The following FAM228B variants were observed in gnomAD, a reference collection of about 807,000 sequenced individuals.
FAM228B encodes family with sequence similarity 228 member B, also known as protein FAM228B.
A neutral mutation model predicts 42.6 loss-of-function variants in FAM228B; 38 were observed. The ratio of observed to expected loss-of-function variants is 0.89; its 90% CI spans 0.69 to 1.17. FAM228B has a LOEUF of 1.17. Among genes scored for constraint, FAM228B ranks in the 50% most tolerant of loss-of-function variants. The pLI, the probability that FAM228B is intolerant of heterozygous loss-of-function variation, is 0.00. For missense variants in FAM228B, 344 were observed against 367.3 expected, an observed-to-expected ratio of 0.94 and a Z score of 0.52; for synonymous variants, 109 against 122.3, an observed-to-expected ratio of 0.89 and a Z score of 0.72.
At chr2:24,167,002 G>A (rs1667432781) in intron 9 of FAM228B, among the ~76,000 whole-genome samples, 1 of 152,186 alleles carries the variant, frequency 6.6e-6, no homozygotes, top group Non-Finnish European at 1.5e-5. Context: ...AGGCAGGTTG[G>A]GGTTACAGGC....
Position 24,139,412 on chromosome 2 carries a change from C to A in FAM228B, c.403C>A (p.Pro135Thr), listed in dbSNP as rs1248446680. ...IEHYDPKEYD[P>T]FYMSKKDPNF... is the part of the protein sequence containing the mutation. Reference sequence around the variant, plus strand: ...ACATTATGATCCAAAAGAGTATGATCCCTTTTATATGAGCAAGAAGGACCC... The same window carrying A: ...ACATTATGATCCAAAAGAGTATGATACCTTTTATATGAGCAAGAAGGACCC... Residue 135 changes from proline (P) to threonine (T), a missense_variant, in exon 5 of 11, where the codon CCC (proline) becomes ACC (threonine). By Grantham distance (38) the Pro-to-Thr change is conservative. Transcript: ENST00000615575. 1.9e-6 allele frequency: 3 copies of A among 1,547,990 alleles called. No individual in the cohort carries two copies. In the African/African-American group the frequency reaches 4.1e-5, roughly 21 times the overall value.
rs372018736 is a variant in FAM228B at position 24,084,182 on chromosome 2, T to TG, written c.-210+3230dup. The TG allele has an allele frequency of 6.8e-6, 11 of 1,609,596 alleles. No individual in the cohort carries two copies. In the African/African-American group the frequency reaches 1.2e-4, roughly 18 times the overall value. On this transcript the variant is annotated intron_variant, in intron 2 of 10. Coordinates refer to the FAM228B transcript ENST00000613899. The surrounding 1 kb of genome is among the most constrained non-coding windows in gnomAD (Gnocchi z 8.4). ...CGCCCGCCCCGGCGCGGCTGAGCCCTGGGTACCTGCATTAAGTCCGCCCGG... is the reference window on the plus strand; with the variant it reads ...CGCCCGCCCCGGCGCGGCTGAGCCCTGGGGTACCTGCATTAAGTCCGCCCGG...
Position 24,077,322 on chromosome 2 carries a change from G to A in FAM228B, c.-290+353G>A. On this transcript the variant is annotated intron_variant, in intron 1 of 10. Coordinates refer to the FAM228B transcript ENST00000613899. The surrounding 1 kb of genome is among the most constrained non-coding windows in gnomAD (Gnocchi z 5.5). ...TATACCCAGAATCTCCGTCCCTGGAGGGGCCCTCAGGTTGAGCGTCAGCTG... is the reference window on the plus strand; with the variant it reads ...TATACCCAGAATCTCCGTCCCTGGAAGGGCCCTCAGGTTGAGCGTCAGCTG... 5.6e-6 allele frequency: 2 copies of A among 356,804 alleles called. No homozygotes were observed. The highest frequency in any genetic ancestry group is 5.2e-6 in the Non-Finnish European group (1 of 193,900). The allele number at this position is 356,804 out of a possible 1,614,324, so 22.1% of individuals were successfully genotyped here. A position where few individuals can be genotyped will look rare whatever the true frequency, so the allele number is the denominator to read the frequency against.
Position 24,077,840 on chromosome 2 carries a change from T to C in FAM228B, c.-290+871T>C, listed in dbSNP as rs1664826874. On this transcript the variant is annotated intron_variant, in intron 1 of 10. Transcript: ENST00000613899. The surrounding 1 kb of genome is among the most constrained non-coding windows in gnomAD (Gnocchi z 5.5). ...TCCTCATCCTCCTCAGCCTTCTTGC[T>C]CTCTCTGAAGCCACGTATCTGAAAA... The C allele has an allele frequency of 3.3e-6, 5 of 1,502,784 alleles. No individual in the cohort carries two copies. In the South Asian group the frequency reaches 5.1e-5, roughly 15 times the overall value. 93.1% of individuals were successfully genotyped at this position (1,502,784 alleles called of 1,614,324 possible). A position where few individuals can be genotyped will look rare whatever the true frequency, so the allele number is the denominator to read the frequency against.
At chr2:24,104,560 C>G (rs1665668742) in intron 3 of FAM228B, among the ~76,000 whole-genome samples, 1 of 152,172 alleles carries the variant, frequency 6.6e-6, no homozygotes. Flanking sequence ...GCAACACCTG[C>G]TAGAGCTTCC....
At chr2:24,083,476 A>G (rs1381120394) in intron 2 of FAM228B, among the ~76,000 whole-genome samples, 32 of 152,142 alleles carry the variant, frequency 2.1e-4, no homozygotes, top group Admixed American at 2.1e-3. Context: ...GATGGTTCCC[A>G]TGCATCAAGC....
intron 3 of FAM228B, among the ~76,000 whole-genome samples, chr2:24,111,549 A>G (rs1413903730): frequency 6.6e-6 from 1 of 152,128 alleles, no homozygotes; most frequent in Non-Finnish European, 1.5e-5. Flanking sequence ...GGGCCTTGGC[A>G]TCCCTGTCCT....
chr2:24,077,628 A>G lies in FAM228B; in HGVS notation c.-290+659A>G, dbSNP rs145805831. On this transcript the variant is annotated intron_variant, in intron 1 of 10. Transcript: ENST00000613899. The surrounding 1 kb of genome is among the most constrained non-coding windows in gnomAD (Gnocchi z 5.5). ...CTTGCCTATGTTCTTGTTGGCCTCC[A>G]TGTACTTATGGGCCTCCTGGATTTC... The G allele has an allele frequency of 3.3e-5, 54 of 1,612,706 alleles. No individual in the cohort carries two copies. The African/African-American group carries it at 6.7e-4, about 20-fold the overall frequency.
chr2:24,130,552 A>AT (rs1666431150), intron 2 of FAM228B, among the ~76,000 whole-genome samples: 1 of 152,144 alleles, frequency 6.6e-6, no homozygotes, highest in African/African-American at 2.4e-5. Flanking sequence ...GCATTGCTCT[A>AT]ATGATCAGTG....
chr2:24,137,197 G>A (rs1278681232), intron 3 of FAM228B, among the ~76,000 whole-genome samples: 2 of 152,048 alleles, frequency 1.3e-5, no homozygotes, highest in African/African-American at 2.4e-5. Context: ...TCTCTTGATG[G>A]ATACTTGGAT....
chr2:24,166,940 T>C (rs1459281073), intron 9 of FAM228B, among the ~76,000 whole-genome samples: 3 of 151,488 alleles, frequency 2.0e-5, no homozygotes, highest in Admixed American at 1.3e-4. Flanking sequence ...AGGCTGAAGA[T>C]AGTGAGTGCT....
intron 1 of FAM228B, chr2:24,079,154 G>A: frequency 9.1e-6 from 3 of 331,192 alleles, no homozygotes; most frequent in South Asian, 5.1e-5. Flanking sequence ...ACAAAGTCTT[G>A]GAACTACTCG....
intron 7 of FAM228B, among the ~76,000 whole-genome samples, chr2:24,155,231 C>G (rs185115977): frequency 6.6e-6 from 1 of 152,040 alleles, no homozygotes; most frequent in Non-Finnish European, 1.5e-5. Context: ...GAGCAAATCA[C>G]ATTAATGGGC....
At chr2:24,167,552 G>A in intron 9 of FAM228B, 75 bp from the exon 10 acceptor site, 1 of 1,539,454 alleles carries the variant, frequency 6.5e-7, no homozygotes, top group Non-Finnish European at 8.8e-7. Context: ...CTCTGGTTAT[G>A]AAGACAGTCT....
At chr2:24,116,369 C>A (rs1479756808) in intron 3 of FAM228B, among the ~76,000 whole-genome samples, 1 of 152,026 alleles carries the variant, frequency 6.6e-6, no homozygotes, top group Non-Finnish European at 1.5e-5. Context: ...GATGTACTCA[C>A]GTTTTAAAGA....
rs528686333 is a variant in FAM228B at position 24,164,226 on chromosome 2, G to C, written c.823G>C (p.Glu275Gln). The C allele has an allele frequency of 6.4e-7, 1 of 1,550,826 alleles. No individual in the cohort carries two copies. Among genetic ancestry groups the C allele is most frequent in the Non-Finnish European group, 8.7e-7 (1 of 1,146,538 alleles). Residue 275 changes from glutamate (E) to glutamine (Q), a missense_variant, in exon 9 of 11, where the codon GAA becomes CAA. Glu to Gln is a conservative substitution (Grantham distance 29). Coordinates refer to ENST00000615575, the MANE Select transcript of FAM228B (RefSeq NM_001145710.2). Reference sequence around the variant, plus strand: ...CAAAGGGTCATCCTTTCTAGAAAGAGAACCGCTGTGCTATCAGGAGGGAAA... The same window carrying C: ...CAAAGGGTCATCCTTTCTAGAAAGACAACCGCTGTGCTATCAGGAGGGAAA... ...KNKGSSFLEREPLCYQEGNNP... is the reference protein window; with the variant it reads ...KNKGSSFLERQPLCYQEGNNP...
At chr2:24,139,660 G>A (rs538470950) in intron 5 of FAM228B, among the ~76,000 whole-genome samples, 1 of 152,192 alleles carries the variant, frequency 6.6e-6, no homozygotes, top group South Asian at 2.1e-4. Context: ...GATAATGATT[G>A]GGTAATAGGT....
chr2:24,100,116 T>C (rs1484231537), intron 3 of FAM228B, among the ~76,000 whole-genome samples: 6 of 152,024 alleles, frequency 3.9e-5, no homozygotes. Context: ...AAAAAATTAA[T>C]TCAAGATGGA....
chr2:24,123,673 G>A (rs1332964628), intron 1 of FAM228B, 140 bp downstream of exon 1: 4 of 151,718 alleles, frequency 2.6e-5, no homozygotes, highest in Non-Finnish European at 5.9e-5. Flanking sequence ...AGGGCAGAGA[G>A]GTGCCTGTCG....
Sources: gnomAD v4.1 joint callset for allele counts (sites outside exome capture counted in the v4.1 genomes callset) on GRCh38, gnomAD v4.1.1 for gene constraint, Gnocchi (gnomAD v3.1) non-coding constraint, MANE v1.5 for transcripts, NCBI Gene and HGNC (gene_info 2026-07-23, HGNC 2026-07-21) for gene names.